PRR12: variants seen among roughly 807,000 people sequenced by gnomAD.
PRR12 encodes proline-rich protein 12.
PRR12 carries 12 observed loss-of-function variants against 138.0 expected under a neutral mutation model. The ratio of observed to expected loss-of-function variants is 0.09; its 90% CI spans 0.06 to 0.14. The LOEUF (loss-of-function observed/expected upper bound fraction) is 0.14, where lower values mean the gene tolerates loss of function less well. Ranked by LOEUF, PRR12 falls within the 10% of genes least tolerant of loss-of-function variation. The probability of loss-of-function intolerance (pLI) is 1.00; values close to 1 mark genes in which losing one functional copy is unlikely to be tolerated. For missense variants in PRR12, 2,692 were observed against 2,861.3 expected (o/e 0.94, Z 1.35); for synonymous variants, 1,567 against 1,291.7 (o/e 1.21, Z -4.57).
intron 6 of PRR12, among the ~76,000 whole-genome samples, chr19:49,613,062 C>T (rs754778873): frequency 2.0e-5 from 3 of 151,290 alleles, no homozygotes; most frequent in Non-Finnish European, 4.4e-5. Context: ...TGAGGACAAG[C>T]GCGGTGGCTC....
At chr19:49,620,499 AGG>A (rs372317811) in intron 10 of PRR12, 22 bp downstream of exon 10, 3 of 1,180,196 alleles carry the variant, frequency 2.5e-6, no homozygotes, top group Non-Finnish European at 2.3e-6. Flanking sequence ...CCTGGGGAGG[AGG>A]GGGGGGGGCT....
rs144574751 is a variant in PRR12 at position 49,617,828 on chromosome 19, G to A, written c.5497+1609G>A. On this transcript the variant is annotated intron_variant, in intron 9 of 13. Coordinates refer to ENST00000418929, the MANE Select transcript of PRR12 (RefSeq NM_020719.3). The stretch of plus-strand genomic sequence containing the variant: ...AGATGTATAGAAAATAAAAGCGGCC[G>A]GGCACAGTGGCTGATGCCCAGCACT... Among the ~76,000 whole-genome samples, 253 of 152,192 alleles carry A rather than the reference G, an allele frequency of 1.7e-3. 1 individual carries two copies. Among genetic ancestry groups the A allele is most frequent in the African/African-American group, 5.8e-3 (239 of 41,534 alleles).
rs895644447 is a variant in PRR12 at position 49,597,114 on chromosome 19, G to A, written c.2779G>A (p.Val927Met). 9.0e-6 allele frequency: 14 copies of A among 1,550,872 alleles called. No individual in the cohort carries two copies. The East Asian group carries it at 9.8e-5, about 11-fold the overall frequency. The change falls in exon 4 of 14, where the codon GTG becomes ATG. Residue 927 changes from valine to methionine, a missense_variant. Transcript: ENST00000418929. This position sits in a 1 kb window ranked among gnomAD's most constrained non-coding sequence, Gnocchi z 6.3. ...GCAAGGCACCAAGGCGCCGCGTTTC[G>A]TGCCGCTCACCTCCATCTGCTTCCC... Reference protein sequence around the residue: ...SPQGTKAPRFVPLTSICFPDS... With the variant: ...SPQGTKAPRFMPLTSICFPDS...
At position 49,625,525 on chromosome 19, in the gene PRR12, G is replaced by A. The variant is rs888618193; in HGVS notation, c.6029G>A (p.Arg2010Gln). 2 of 1,612,172 alleles carry A rather than the reference G, an allele frequency of 1.2e-6. No individual in the cohort carries two copies. The highest frequency in any genetic ancestry group is 1.7e-6 in the Non-Finnish European group (2 of 1,179,356). The change falls in exon 14 of 14, where the codon CGG (arginine) becomes CAG (glutamine). Residue 2010 changes from arginine (R) to glutamine (Q), a missense_variant. Transcript: ENST00000418929. The surrounding 1 kb of genome is among the most constrained non-coding windows in gnomAD (Gnocchi z 5.5). ...GQEEVVQQCM[R>Q]NQPWLEQLFD... Reference sequence around the variant, plus strand: ...GAGGAGGTGGTCCAGCAGTGCATGCGGAACCAGCCGTGGCTGGAACAGCTC... The same window carrying A: ...GAGGAGGTGGTCCAGCAGTGCATGCAGAACCAGCCGTGGCTGGAACAGCTC...
At position 49,594,360 on chromosome 19, in the gene PRR12, C is replaced by T. The variant is rs2080749727; in HGVS notation, c.200-94C>T. The T allele has an allele frequency of 2.3e-6, 3 of 1,297,410 alleles. No individual in the cohort carries two copies. Among genetic ancestry groups the T allele is most frequent in the African/African-American group, 1.5e-5 (1 of 66,980 alleles). The allele number at this position is 1,297,410 out of a possible 1,614,324, so 80.4% of individuals were successfully genotyped here. On this transcript the variant is annotated intron_variant, in intron 2 of 13. Transcript: ENST00000418929. This position sits in a 1 kb window ranked among gnomAD's most constrained non-coding sequence, Gnocchi z 5.6. ...CTTTTCTCTCCCATCCCCTCCTTTT[C>T]CTGATCCAACTTGCTTTTGGCCTCT...
chr19:49,593,835 C>G (rs1474489140), intron 2 of PRR12, among the ~76,000 whole-genome samples: 1 of 152,152 alleles, frequency 6.6e-6, no homozygotes, highest in Non-Finnish European at 1.5e-5. Context: ...AATTCTCTGG[C>G]CCGCCCTGTT....
intron 6 of PRR12, among the ~76,000 whole-genome samples, chr19:49,611,030 C>T (rs967010694): frequency 1.3e-5 from 2 of 151,484 alleles, no homozygotes; most frequent in Non-Finnish European, 2.9e-5. Context: ...TTTGTAGAGA[C>T]GGGGTTTCAC....
At position 49,625,367 on chromosome 19, in the gene PRR12, C is replaced by G. The variant is rs758222829; in HGVS notation, c.5965-94C>G. 32 of 1,450,314 alleles carry G rather than the reference C, an allele frequency of 2.2e-5. No homozygotes were observed. The highest frequency in any genetic ancestry group is 3.0e-5 in the Non-Finnish European group (32 of 1,074,954). The allele number at this position is 1,450,314 out of a possible 1,614,324, so 89.8% of individuals were successfully genotyped here. On this transcript the variant is annotated intron_variant, in intron 13 of 13. Coordinates refer to ENST00000418929, the MANE Select transcript of PRR12 (RefSeq NM_020719.3). This position sits in a 1 kb window ranked among gnomAD's most constrained non-coding sequence, Gnocchi z 5.5. ...CCCCAGCCCTGGTCTCCCTGGGACA[C>G]TGACATCTGACACCCCAGGCCCCAT...
intron 5 of PRR12, among the ~76,000 whole-genome samples, chr19:49,600,656 C>CA (rs2080805166): frequency 6.6e-6 from 1 of 150,962 alleles, no homozygotes; most frequent in Non-Finnish European, 1.5e-5. Context: ...CTGTCTTAAA[C>CA]AAAAAACCCC....
chr19:49,604,184 A>T (rs748020139), intron 6 of PRR12, among the ~76,000 whole-genome samples: 6 of 151,954 alleles, frequency 3.9e-5, no homozygotes, highest in Non-Finnish European at 7.3e-5. Context: ...GTGTTATTTC[A>T]ATCTATTTCA....
intron 11 of PRR12, 61 bp downstream of exon 11, chr19:49,621,683 A>G (rs891590224): frequency 4.2e-5 from 56 of 1,344,562 alleles, no homozygotes; most frequent in Non-Finnish European, 5.1e-5. Flanking sequence ...GAAGACATGT[A>G]CGTGTCGGCC....
rs978521933 is a variant in PRR12, at chr19:49,597,020, G to A, written c.2685G>A (p.Gly895=). 1.3e-6 allele frequency: 2 copies of A among 1,557,504 alleles called. No individual in the cohort carries two copies. The highest frequency in any genetic ancestry group is 1.7e-6 in the Non-Finnish European group (2 of 1,153,040). Residue 895 remains glycine (G), a synonymous_variant, in exon 4 of 14, where the codon GGG becomes GGA. Coordinates refer to ENST00000418929, the MANE Select transcript of PRR12 (RefSeq NM_020719.3). This position sits in a 1 kb window ranked among gnomAD's most constrained non-coding sequence, Gnocchi z 6.3. ...TGGAGCCGCTGCCCCCGGCGCCTGG[G>A]GATACTGGCGTAGGCCCACCAAACT... ...GALEPLPPAP[G]DTGVGPPNSE...
rs1365960215 is a variant in PRR12 at position 49,601,825 on chromosome 19, G to T, written c.4680G>T (p.Glu1560Asp). The T allele has an allele frequency of 3.1e-6, 5 of 1,612,628 alleles. No individual in the cohort carries two copies. The highest frequency in any genetic ancestry group is 4.2e-6 in the Non-Finnish European group (5 of 1,179,898). The change falls in exon 6 of 14, where the codon GAG becomes GAT. Residue 1560 changes from glutamate (E) to aspartate (D), a missense_variant. Physicochemically the swap from Glu to Asp is conservative, Grantham distance 45. Around this residue, in one of 11 missense-constraint regions of PRR12, gnomAD observed 92 missense variants for 174.1 expected, o/e 0.53. Transcript: ENST00000418929. ...KKQETAAVCGETDEEAGESGG... is the reference protein window; with the variant it reads ...KKQETAAVCGDTDEEAGESGG... ...AGGAGACGGCGGCAGTGTGTGGGGAGACGGACGAGGAGGCCGGCGAGAGTG... is the reference window on the plus strand; with the variant it reads ...AGGAGACGGCGGCAGTGTGTGGGGATACGGACGAGGAGGCCGGCGAGAGTG...
intron 2 of PRR12, among the ~76,000 whole-genome samples, chr19:49,593,861 C>A (rs2122283015): frequency 6.6e-6 from 1 of 152,194 alleles, no homozygotes; most frequent in South Asian, 2.1e-4. Flanking sequence ...TTATTTTGCC[C>A]CATTGCCTTA....
In PRR12 at chr19:49,595,314, G is replaced by A; in HGVS notation, c.979G>A (p.Ala327Thr). The part of the protein sequence containing the change: ...GGSYPSMGHR[A>T]NLACSPLGGG... The stretch of plus-strand genomic sequence containing the variant: ...CAGCTACCCCTCCATGGGCCACCGG[G>A]CCAACCTGGCCTGCAGCCCCCTGGG... Residue 327 changes from alanine (A) to threonine (T), a missense_variant, in exon 4 of 14, where the codon GCC becomes ACC. Ala to Thr is a moderately conservative substitution (Grantham distance 58). Coordinates refer to ENST00000418929, the MANE Select transcript of PRR12 (RefSeq NM_020719.3). The A allele has an allele frequency of 6.5e-7, 1 of 1,544,862 alleles. No individual in the cohort carries two copies. The highest frequency in any genetic ancestry group is 8.7e-7 in the Non-Finnish European group (1 of 1,145,876).
chr19:49,599,527 A>T lies in PRR12; in HGVS notation c.3934A>T (p.Ser1312Cys). ...GLTPPLSPPK[S>C]VPPSVPARGL... ...GACGCCTCCGCTCAGCCCTCCCAAG[A>T]GTGTGCCACCCTCTGTGCCAGCCCG... Residue 1312 changes from serine to cysteine, a missense_variant, in exon 5 of 14, where the codon AGT becomes TGT. By Grantham distance (112) the Ser-to-Cys change is moderately radical (BLOSUM62 -1). Transcript: ENST00000418929. This position sits in a 1 kb window ranked among gnomAD's most constrained non-coding sequence, Gnocchi z 5.0. The T allele has an allele frequency of 6.3e-7, 1 of 1,597,706 alleles. No individual in the cohort carries two copies. The highest frequency in any genetic ancestry group is 8.5e-7 in the Non-Finnish European group (1 of 1,172,740).
chr19:49,596,697 C>T lies in PRR12; in HGVS notation c.2362C>T (p.Pro788Ser). The T allele has an allele frequency of 6.2e-7, 1 of 1,606,552 alleles. No individual in the cohort carries two copies. Among genetic ancestry groups the T allele is most frequent in the Non-Finnish European group, 8.5e-7 (1 of 1,179,236 alleles). The change falls in exon 4 of 14, where the codon CCT becomes TCT. Residue 788 changes from proline to serine, a missense_variant. Pro to Ser is a moderately conservative substitution (Grantham distance 74). Transcript: ENST00000418929. This position sits in a 1 kb window ranked among gnomAD's most constrained non-coding sequence, Gnocchi z 5.6. ...TGGCCTCCTTCTGGAGGCCGGGGGCCCTGACCTCCCACTGGTGCTGCCTCC... is the reference window on the plus strand; with the variant it reads ...TGGCCTCCTTCTGGAGGCCGGGGGCTCTGACCTCCCACTGGTGCTGCCTCC... ...PHGLLLEAGG[P>S]DLPLVLPPPP...
intron 6 of PRR12, among the ~76,000 whole-genome samples, chr19:49,609,491 C>T (rs1308656303): frequency 1.3e-5 from 2 of 151,162 alleles, no homozygotes; most frequent in Admixed American, 1.3e-4. Context: ...ATCCCAGCTA[C>T]TCAGGAGGCT....
chr19:49,601,841 G>C lies in PRR12; in HGVS notation c.4696G>C (p.Gly1566Arg). ...AVCGETDEEAGESGGEGIFRE... is the reference protein window; with the variant it reads ...AVCGETDEEARESGGEGIFRE... ...GTGTGGGGAGACGGACGAGGAGGCC[G>C]GCGAGAGTGGCGGAGAGGGCATCTT... Residue 1566 changes from glycine (G) to arginine (R), a missense_variant, in exon 6 of 14, where the codon GGC becomes CGC. Gly to Arg is a moderately radical substitution (Grantham distance 125, BLOSUM62 -2). This residue lies in a region of PRR12 where 92 missense variants were observed against 174.1 expected (regional missense o/e 0.53). Transcript: ENST00000418929. 1 of 1,612,828 alleles carries C rather than the reference G, an allele frequency of 6.2e-7. No homozygotes were observed. Among genetic ancestry groups the C allele is most frequent in the Non-Finnish European group, 8.5e-7 (1 of 1,179,884 alleles).
Sources: gnomAD v4.1 joint callset for allele counts (sites outside exome capture counted in the v4.1 genomes callset) on GRCh38, gnomAD v4.1.1 for gene constraint, gnomAD v4.1.1 regional missense constraint, Gnocchi (gnomAD v3.1) non-coding constraint, MANE v1.5 for transcripts, NCBI Gene and HGNC (gene_info 2026-07-23, HGNC 2026-07-21) for gene names.